TNRC6A: variants seen among roughly 807,000 people sequenced by gnomAD.
The protein encoded by TNRC6A is trinucleotide repeat-containing gene 6A protein.
TNRC6A carries 44 observed loss-of-function variants against 221.2 expected under a neutral mutation model. The ratio of observed to expected loss-of-function variants is 0.20; its 90% CI spans 0.16 to 0.26. The LOEUF (loss-of-function observed/expected upper bound fraction) is 0.26, where lower values mean the gene tolerates loss of function less well. Among genes scored for constraint, TNRC6A ranks in the 10% least tolerant of loss-of-function variants. TNRC6A has a pLI of 1.00. For synonymous variants in TNRC6A, 847 were observed against 838.5 expected, an observed-to-expected ratio of 1.01 and a Z score of -0.18; for missense variants, 2,199 against 2,404.4, an observed-to-expected ratio of 0.91 and a Z score of 1.79.
chr16:24,806,326 T>C lies in TNRC6A; in HGVS notation c.4329+43T>C, dbSNP rs754538209. The C allele has an allele frequency of 1.4e-5, 23 of 1,604,902 alleles. No individual in the cohort carries two copies. In the South Asian group the frequency reaches 2.5e-4, roughly 18 times the overall value. ...ACTCGCAATGCTGTCTTTGTGTTAA[T>C]AAACTCTGCTTATCTCCATTGTAGC... On this transcript the variant is annotated intron_variant, in intron 16 of 24. Transcript: ENST00000395799.
intron 20 of TNRC6A, 62 bp downstream of exon 20, chr16:24,817,018 G>A: frequency 1.3e-6 from 2 of 1,523,542 alleles, no homozygotes; most frequent in Non-Finnish European, 1.8e-6. Context: ...AATGGCTCAT[G>A]TAGTACCCAG....
At position 24,818,998 on chromosome 16, in the gene TNRC6A, T is replaced by TA. The variant is rs570977428; in HGVS notation, c.5080+313dup. 6.6e-3 allele frequency among the ~76,000 whole-genome samples: 932 copies of TA among 142,192 alleles called. 7 individuals are homozygous for TA. Among genetic ancestry groups the TA allele is most frequent in the African/African-American group, 0.017 (687 of 39,294 alleles). The allele number at this position is 142,192 out of a possible 152,430, so 93.3% of individuals were successfully genotyped here. A position where few individuals can be genotyped will look rare whatever the true frequency, so the allele number is the denominator to read the frequency against. On this transcript the variant is annotated intron_variant, in intron 21 of 24. Transcript: ENST00000395799. Reference sequence around the variant, plus strand: ...CAGACTATCTGCAGCGGAGGATCTTTAAAAAAAAAAAAAAATGCCAATCCT... The same window carrying TA: ...CAGACTATCTGCAGCGGAGGATCTTTAAAAAAAAAAAAAAAATGCCAATCCT...
At chr16:24,664,810 CA>C in intron 2 of TNRC6A, 1 of 445,208 alleles carries the variant, frequency 2.2e-6, no homozygotes, top group Admixed American at 2.4e-5. Context: ...CACACACACA[CA>C]CAAAACCTAT....
intron 2 of TNRC6A, among the ~76,000 whole-genome samples, chr16:24,687,843 G>GGAAGAGGGAGAA (rs1555489486): frequency 9.8e-6 from 1 of 101,856 alleles, no homozygotes; most frequent in East Asian, 2.8e-4. Flanking sequence ...AAGAGGAAGA[G>GGAAGAGGGAGAA]GAAGAAGAAG....
intron 5 of TNRC6A, 151 bp downstream of exon 5, chr16:24,777,509 A>G: frequency 2.8e-6 from 2 of 702,604 alleles, no homozygotes; most frequent in Non-Finnish European, 4.7e-6. Context: ...ATGAATGGGG[A>G]ATCTTAGAAT....
intron 2 of TNRC6A, among the ~76,000 whole-genome samples, chr16:24,715,035 C>A (rs1327799771): frequency 6.6e-6 from 1 of 151,854 alleles, no homozygotes; most frequent in African/African-American, 2.4e-5. Context: ...TGCCACCACA[C>A]CCGGCTAAGT....
At chr16:24,611,169 TC>T (rs1238017638) in intron 1 of TNRC6A, among the ~76,000 whole-genome samples, 17 of 152,278 alleles carry the variant, frequency 1.1e-4, no homozygotes, top group African/African-American at 4.1e-4. Flanking sequence ...TCTTAGGAGT[TC>T]CTCTCATCCT....
intron 5 of TNRC6A, among the ~76,000 whole-genome samples, chr16:24,788,752 C>A (rs2343607): frequency 0.066 from 10,034 of 151,642 alleles, 813 homozygotes; most frequent in East Asian, 0.36. Context: ...GGGTTCATGC[C>A]ATTCTCCTGC....
intron 2 of TNRC6A, among the ~76,000 whole-genome samples, chr16:24,669,253 G>A (rs1003573305): frequency 6.6e-6 from 1 of 152,090 alleles, no homozygotes; most frequent in African/African-American, 2.4e-5. Context: ...AATCCCAGCA[G>A]TTTGGGAGAC....
chr16:24,668,698 T>C (rs1484609802), intron 2 of TNRC6A, among the ~76,000 whole-genome samples: 1 of 152,212 alleles, frequency 6.6e-6, no homozygotes. Flanking sequence ...GAGGTAATTA[T>C]TCACCCTTAA....
chr16:24,732,564 A>G (rs555686797), intron 2 of TNRC6A, among the ~76,000 whole-genome samples: 1 of 152,256 alleles, frequency 6.6e-6, no homozygotes, highest in South Asian at 2.1e-4. Context: ...CTTGGAGGAG[A>G]CCATATCACT....
At chr16:24,710,958 C>T (rs2056194854) in intron 2 of TNRC6A, among the ~76,000 whole-genome samples, 2 of 151,986 alleles carry the variant, frequency 1.3e-5, no homozygotes, top group South Asian at 2.1e-4. Flanking sequence ...TCACTGCAAC[C>T]TCCACCTCCC....
Position 24,791,491 on chromosome 16 carries a change from A to G in TNRC6A, c.2849A>G (p.Gln950Arg). ...PVSSPDWNKQ[Q>R]DIVGSWGIPP... is the part of the protein sequence containing the mutation. ...AGCTCTCCAGACTGGAACAAGCAAC[A>G]AGACATTGTTGGATCTTGGGGAATC... The change falls in exon 6 of 25, where the codon CAA (glutamine) becomes CGA (arginine). Residue 950 changes from glutamine (Q) to arginine (R), a missense_variant. Physicochemically the swap from Gln to Arg is conservative, Grantham distance 43. Transcript: ENST00000395799. The G allele has an allele frequency of 1.3e-6, 2 of 1,532,186 alleles. No homozygotes were observed. The highest frequency in any genetic ancestry group is 2.3e-5 in the East Asian group (1 of 44,322). 94.9% of individuals were successfully genotyped at this position (1,532,186 alleles called of 1,614,324 possible). A position where few individuals can be genotyped will look rare whatever the true frequency, so the allele number is the denominator to read the frequency against.
At chr16:24,756,534 C>T (rs939137412) in intron 3 of TNRC6A, among the ~76,000 whole-genome samples, 1 of 152,200 alleles carries the variant, frequency 6.6e-6, no homozygotes, top group African/African-American at 2.4e-5. Flanking sequence ...TGGGGCCATT[C>T]TCTGTTGATG....
At chr16:24,780,287 G>A (rs1293234355) in intron 5 of TNRC6A, among the ~76,000 whole-genome samples, 4 of 152,136 alleles carry the variant, frequency 2.6e-5, no homozygotes. Context: ...ATATATGCAT[G>A]CATGTGCACA....
At chr16:24,692,464 G>A (rs546342551) in intron 2 of TNRC6A, among the ~76,000 whole-genome samples, 2 of 152,256 alleles carry the variant, frequency 1.3e-5, no homozygotes, top group South Asian at 4.1e-4. Flanking sequence ...CAGCTACTCA[G>A]GAGGCTGAGG....
At chr16:24,682,408 A>G (rs1301946298) in intron 2 of TNRC6A, among the ~76,000 whole-genome samples, 2 of 93,968 alleles carry the variant, frequency 2.1e-5, no homozygotes, top group Non-Finnish European at 2.2e-5. Flanking sequence ...TTTTTTTTTC[A>G]GTAGAGATGG....
At chr16:24,806,453 T>A in intron 16 of TNRC6A, 121 bp from the exon 17 acceptor site, 1 of 1,368,404 alleles carries the variant, frequency 7.3e-7, no homozygotes, top group Non-Finnish European at 1.0e-6. Context: ...GTGAACATTA[T>A]ACAGTGATTA....
At chr16:24,805,759 G>T in intron 15 of TNRC6A, 26 bp downstream of exon 15, 1 of 1,613,970 alleles carries the variant, frequency 6.2e-7, no homozygotes, top group Non-Finnish European at 8.5e-7. Flanking sequence ...GTCTTTCTTA[G>T]TACACATTTA....
Sources: gnomAD v4.1 joint callset for allele counts (sites outside exome capture counted in the v4.1 genomes callset) on GRCh38, gnomAD v4.1.1 for gene constraint, MANE v1.5 for transcripts, NCBI Gene and HGNC (gene_info 2026-07-23, HGNC 2026-07-21) for gene names.